Variants in KCNK10 observed in about 807,000 individuals in gnomAD.
KCNK10 encodes potassium two pore domain channel subfamily K member 10.
A neutral mutation model predicts 47.7 loss-of-function variants in KCNK10; 25 were observed. The observed-to-expected ratio is 0.52, with a 90% CI of 0.38 to 0.73. The LOEUF (loss-of-function observed/expected upper bound fraction) is 0.73, where lower values mean the gene tolerates loss of function less well. Ranked by LOEUF, KCNK10 falls within the 30% of genes least tolerant of loss-of-function variation. The pLI, the probability that KCNK10 is intolerant of heterozygous loss-of-function variation, is 0.00. For synonymous variants in KCNK10, 303 were observed against 285.6 expected (o/e 1.06, Z -0.61); for missense variants, 563 against 714.5 (o/e 0.79, Z 2.42).
chr14:88,315,328 C>A (rs1256685583), intron 1 of KCNK10, among the ~76,000 whole-genome samples: 2 of 152,168 alleles, frequency 1.3e-5, no homozygotes, highest in East Asian at 3.9e-4. Flanking sequence ...AACAACACTC[C>A]CCAGTTCTCA....
chr14:88,186,295 A>G lies in KCNK10; in HGVS notation c.1012-140T>C. ...ATGCCCAGGGGGAGGTGCAAATGCT[A>G]CCTTCTGCCCTAGTACTTCTGCCAC... is the stretch of plus-strand genomic sequence containing the variant. On this transcript the variant is annotated intron_variant, in intron 6 of 6. Transcript: ENST00000319231. This position sits in a 1 kb window ranked among gnomAD's most constrained non-coding sequence, Gnocchi z 5.5. The G allele has an allele frequency of 1.9e-6, 2 of 1,028,602 alleles. No homozygotes were observed. The highest frequency in any genetic ancestry group is 1.6e-5 in the African/African-American group (1 of 62,102). 63.7% of individuals were successfully genotyped at this position (1,028,602 alleles called of 1,614,324 possible). A position where few individuals can be genotyped will look rare whatever the true frequency, so the allele number is the denominator to read the frequency against.
intron 5 of KCNK10, among the ~76,000 whole-genome samples, chr14:88,189,609 C>A (rs908721502): frequency 6.6e-6 from 1 of 152,128 alleles, no homozygotes; most frequent in East Asian, 1.9e-4. Context: ...TATCTGGATT[C>A]GGAGTTCTGT....
intron 1 of KCNK10, among the ~76,000 whole-genome samples, chr14:88,296,054 G>C (rs1463503024): frequency 6.6e-6 from 1 of 152,148 alleles, no homozygotes; most frequent in Non-Finnish European, 1.5e-5. Context: ...ATACACAGAG[G>C]AAGTTATTCC....
At chr14:88,245,738 A>C (rs1322647744) in intron 2 of KCNK10, among the ~76,000 whole-genome samples, 1 of 152,220 alleles carries the variant, frequency 6.6e-6, no homozygotes, top group Non-Finnish European at 1.5e-5. Flanking sequence ...TTGGCTGAAG[A>C]ATACAACAGA....
chr14:88,305,689 C>T (rs1391611360), intron 1 of KCNK10, among the ~76,000 whole-genome samples: 1 of 152,112 alleles, frequency 6.6e-6, no homozygotes, highest in Non-Finnish European at 1.5e-5. Context: ...AGAAGCTGAT[C>T]CTACAATTAC....
rs1164099056 is a variant in KCNK10, at chr14:88,203,192, CTGTATATG to C, written c.682-10790_682-10783del. On this transcript the variant is annotated intron_variant, in intron 4 of 6. Transcript: ENST00000319231. Reference sequence around the variant, plus strand: ...GCAGCAGCATCCAGGGGCCACCGCCCTGTATATGCCCGGGCAGACACAGCAGTGGCTTC... The same window carrying C: ...GCAGCAGCATCCAGGGGCCACCGCCCCCCGGGCAGACACAGCAGTGGCTTC... Among the ~76,000 whole-genome samples the C allele has an allele frequency of 6.3e-3, 957 of 152,318 alleles. 8 individuals are homozygous for C. Among genetic ancestry groups the C allele is most frequent in the African/African-American group, 0.022 (917 of 41,572 alleles).
In KCNK10 at chr14:88,291,027, A is replaced by G. The variant is rs377550483; in HGVS notation, c.53-27476T>C. ...GACAGGTGGTCCCTCTGCCGCGGAA[A>G]AGGGCAGCACCTGGACTATTTTTAT... is the stretch of plus-strand genomic sequence containing the variant. On this transcript the variant is annotated intron_variant, in intron 1 of 6. Transcript: ENST00000319231. Among the ~76,000 whole-genome samples the G allele has an allele frequency of 2.4e-4, 37 of 152,346 alleles. No homozygotes were observed. In the East Asian group the frequency reaches 6.2e-3, roughly 25 times the overall value.
At chr14:88,196,299 G>A (rs574951312) in intron 4 of KCNK10, among the ~76,000 whole-genome samples, 1 of 152,318 alleles carries the variant, frequency 6.6e-6, no homozygotes, top group African/African-American at 2.4e-5. Context: ...TAAACAGGAG[G>A]AGAGGGAGCC....
At chr14:88,206,100 A>C (rs890076802) in intron 4 of KCNK10, among the ~76,000 whole-genome samples, 1 of 152,218 alleles carries the variant, frequency 6.6e-6, no homozygotes, top group Non-Finnish European at 1.5e-5. Context: ...GAAATACATC[A>C]AGGGAAGAGG....
At chr14:88,296,685 T>C (rs1442072719) in intron 1 of KCNK10, among the ~76,000 whole-genome samples, 1 of 152,216 alleles carries the variant, frequency 6.6e-6, no homozygotes, top group Non-Finnish European at 1.5e-5. Flanking sequence ...ATTGTCTACA[T>C]GGCTTGAACC....
chr14:88,257,183 T>C (rs1722664168), intron 2 of KCNK10, among the ~76,000 whole-genome samples: 1 of 152,178 alleles, frequency 6.6e-6, no homozygotes, highest in South Asian at 2.1e-4. Flanking sequence ...CTGGTCTTCC[T>C]TCTTCCCGTT....
At position 88,180,941 on chromosome 14, in the gene KCNK10, G is replaced by A. The variant is rs977514752; in HGVS notation, c.*4594C>T. 1.3e-5 allele frequency: 5 copies of A among 397,854 alleles called. No individual in the cohort carries two copies. Among genetic ancestry groups the A allele is most frequent in the Middle Eastern group, 6.2e-4 (1 of 1,610 alleles). The allele number at this position is 397,854 out of a possible 1,614,324, so 24.6% of individuals were successfully genotyped here. A position where few individuals can be genotyped will look rare whatever the true frequency, so the allele number is the denominator to read the frequency against. ...AGAGAGTTACCCTTTTTCTTTTTAA[G>A]GCCATTACTAGCCAGCTCTTACTGT... On this transcript the variant is annotated 3_prime_UTR_variant, in exon 7 of 7. Transcript: ENST00000319231.
intron 1 of KCNK10, among the ~76,000 whole-genome samples, chr14:88,272,976 A>C (rs1887441257): frequency 6.6e-6 from 1 of 152,176 alleles, no homozygotes; most frequent in South Asian, 2.1e-4. Context: ...CAGGAGAGTT[A>C]GGTGTGCAGC....
chr14:88,265,873 T>G (rs1002903132), intron 1 of KCNK10, among the ~76,000 whole-genome samples: 1 of 152,226 alleles, frequency 6.6e-6, no homozygotes, highest in Non-Finnish European at 1.5e-5. Flanking sequence ...GCTCCTCATT[T>G]ACCCTCCACC....
chr14:88,185,445 G>T lies in KCNK10; in HGVS notation c.*90C>A, dbSNP rs757939079. 54 of 1,502,218 alleles carry T rather than the reference G, an allele frequency of 3.6e-5. No homozygotes were observed. Among genetic ancestry groups the T allele is most frequent in the Admixed American group, 4.5e-5 (2 of 44,894 alleles). The allele number at this position is 1,502,218 out of a possible 1,614,324, so 93.1% of individuals were successfully genotyped here. A position where few individuals can be genotyped will look rare whatever the true frequency, so the allele number is the denominator to read the frequency against. On this transcript the variant is annotated 3_prime_UTR_variant, in exon 7 of 7. Transcript: ENST00000319231. This position sits in a 1 kb window ranked among gnomAD's most constrained non-coding sequence, Gnocchi z 4.3. ...ATGCTATGTAATTTTGGACTAAAAA[G>T]TCTGTTTAAGGCACATGTCTCAGTG...
At chr14:88,303,099 G>A (rs1450651088) in intron 1 of KCNK10, among the ~76,000 whole-genome samples, 1 of 152,102 alleles carries the variant, frequency 6.6e-6, no homozygotes, top group African/African-American at 2.4e-5. Flanking sequence ...GAAAAACACA[G>A]AGGCTACTTC....
At chr14:88,227,738 T>A (rs1373600964) in intron 3 of KCNK10, among the ~76,000 whole-genome samples, 1 of 152,248 alleles carries the variant, frequency 6.6e-6, no homozygotes, top group Non-Finnish European at 1.5e-5. Context: ...TTTTAAGGTT[T>A]CTTGGATATT....
intron 1 of KCNK10, among the ~76,000 whole-genome samples, chr14:88,274,409 A>G (rs1887479566): frequency 2.0e-5 from 3 of 151,930 alleles, no homozygotes; most frequent in Admixed American, 1.3e-4. Context: ...TAAAAATACA[A>G]AAATTAGCCA....
rs1175965692 is a variant in KCNK10 at position 88,322,260 on chromosome 14, C to T, written c.52+487G>A. On this transcript the variant is annotated intron_variant, in intron 1 of 6. Transcript: ENST00000319231. The surrounding 1 kb of genome is among the most constrained non-coding windows in gnomAD (Gnocchi z 4.8). ...CTGCATGCCCTGCGAGAACGGCCCA[C>T]CCCTAGGGACGGCTGCTGCAACTCG... is the stretch of plus-strand genomic sequence containing the variant. Among the ~76,000 whole-genome samples the T allele has an allele frequency of 6.6e-6, 1 of 152,166 alleles. No individual in the cohort carries two copies. Among genetic ancestry groups the T allele is most frequent in the Non-Finnish European group, 1.5e-5 (1 of 68,032 alleles).
Sources: gnomAD v4.1 joint callset for allele counts (sites outside exome capture counted in the v4.1 genomes callset) on GRCh38, gnomAD v4.1.1 for gene constraint, Gnocchi (gnomAD v3.1) non-coding constraint, MANE v1.5 for transcripts, NCBI Gene and HGNC (gene_info 2026-07-23, HGNC 2026-07-21) for gene names.